Variants in WDR49 observed in about 807,000 individuals in gnomAD.
WDR49 encodes cilia- and flagella-associated protein 337.
WDR49 carries 107 observed loss-of-function variants against 119.5 expected under a neutral mutation model. The ratio of observed to expected loss-of-function variants is 0.90; its 90% CI spans 0.77 to 1.05. The LOEUF is 1.05. Among genes scored for constraint, WDR49 ranks in the 50% least tolerant of loss-of-function variants. The pLI is 0.00. For missense variants in WDR49, 1,240 were observed against 1,220.5 expected (o/e 1.02, Z -0.24); for synonymous variants, 425 against 418.8 (o/e 1.01, Z -0.18).
intron 7 of WDR49, among the ~76,000 whole-genome samples, chr3:167,581,780 T>C (rs1714542375): frequency 6.6e-6 from 1 of 152,192 alleles, no homozygotes; most frequent in Non-Finnish European, 1.5e-5. Flanking sequence ...CTATTTTCAG[T>C]GCACTTTTAA....
rs557391350 is a variant in WDR49 at position 167,591,164 on chromosome 3, C to A, written c.1275+10963G>T. 2.8e-4 allele frequency among the ~76,000 whole-genome samples: 42 copies of A among 152,180 alleles called. No individual in the cohort carries two copies. In the South Asian group the frequency reaches 7.1e-3, roughly 26 times the overall value. ...TTCCTTCTCAGTTTCTTTATTGACACACTGGTCATTCAGGAGAATATTGTT... is the reference window on the plus strand; with the variant it reads ...TTCCTTCTCAGTTTCTTTATTGACAAACTGGTCATTCAGGAGAATATTGTT... On this transcript the variant is annotated intron_variant, in intron 7 of 18. Transcript: ENST00000682715.
intron 2 of WDR49, among the ~76,000 whole-genome samples, chr3:167,631,200 G>T (rs1463754204): frequency 6.6e-6 from 1 of 151,940 alleles, no homozygotes; most frequent in African/African-American, 2.4e-5. Flanking sequence ...AAACCAACAT[G>T]GCACATGTAT....
chr3:167,515,869 G>A (rs917813946), intron 16 of WDR49, among the ~76,000 whole-genome samples: 2 of 152,130 alleles, frequency 1.3e-5, no homozygotes, highest in African/African-American at 2.4e-5. Context: ...AATCATAGAT[G>A]AATTCCCATT....
intron 16 of WDR49, among the ~76,000 whole-genome samples, chr3:167,522,009 G>GATATATAGATAT (rs137908498): frequency 6.9e-6 from 1 of 144,068 alleles, no homozygotes; most frequent in Admixed American, 7.0e-5. Flanking sequence ...TAGATAGATA[G>GATATATAGATAT]ATAGATAGAT....
rs35181099 is a variant in WDR49 at position 167,482,505 on chromosome 3, T to TAA, written c.3032-3511_3032-3510dup. ...TAACATGGTGAAACCCCGTCTCTAC[T>TAA]AAAAAAAAAAAAAAATACAAAAAAT... is the stretch of plus-strand genomic sequence containing the variant. On this transcript the variant is annotated intron_variant, in intron 18 of 18. Coordinates refer to ENST00000682715, the MANE Select transcript of WDR49 (RefSeq NM_001366157.1). Among the ~76,000 whole-genome samples, 257 of 138,004 alleles carry TAA rather than the reference T, an allele frequency of 1.9e-3. 4 individuals carry two copies. Among genetic ancestry groups the TAA allele is most frequent in the Middle Eastern group, 0.011 (3 of 270 alleles). 90.5% of individuals were successfully genotyped at this position (138,004 alleles called of 152,430 possible). A position where few individuals can be genotyped will look rare whatever the true frequency, so the allele number is the denominator to read the frequency against.
Position 167,527,878 on chromosome 3 carries a change from G to C in WDR49, c.2546C>G (p.Ala849Gly), listed in dbSNP as rs1332778620. 8.7e-6 allele frequency: 14 copies of C among 1,613,074 alleles called. No individual in the cohort carries two copies. Among genetic ancestry groups the C allele is most frequent in the African/African-American group, 1.3e-5 (1 of 74,858 alleles). The change falls in exon 15 of 19, where the codon GCA becomes GGA. Residue 849 changes from alanine (A) to glycine (G), a missense_variant. By Grantham distance (60) the Ala-to-Gly change is moderately conservative. Transcript: ENST00000682715. Reference sequence around the variant, plus strand: ...ACCAGTCACACAAATACTGCAGTCTGCAGAGGAGGAGATAATCAGTAACTG... The same window carrying C: ...ACCAGTCACACAAATACTGCAGTCTCCAGAGGAGGAGATAATCAGTAACTG... The part of the protein sequence containing the change: ...GGQLLIISSS[A>G]DCSICVTGVC...
At chr3:167,536,176 A>T (rs995029770) in intron 11 of WDR49, among the ~76,000 whole-genome samples, 5 of 152,054 alleles carry the variant, frequency 3.3e-5, no homozygotes, top group African/African-American at 1.2e-4. Flanking sequence ...GGATGACTAG[A>T]GTTAACAATA....
intron 10 of WDR49, among the ~76,000 whole-genome samples, chr3:167,547,208 T>C (rs1305574215): frequency 2.6e-5 from 4 of 151,864 alleles, no homozygotes; most frequent in Non-Finnish European, 5.9e-5. Context: ...GAATGTAATA[T>C]CTTGTGATAT....
chr3:167,599,163 C>T (rs1057254040), intron 7 of WDR49, among the ~76,000 whole-genome samples: 1 of 152,182 alleles, frequency 6.6e-6, no homozygotes, highest in Non-Finnish European at 1.5e-5. Context: ...TGTGTCCTTC[C>T]CTTCAGGGCA....
chr3:167,491,393 C>G (rs1751127235), intron 18 of WDR49, among the ~76,000 whole-genome samples: 1 of 152,110 alleles, frequency 6.6e-6, no homozygotes. Flanking sequence ...AAGGACTCCT[C>G]TCCTCTCATA....
At chr3:167,620,300 C>A in intron 5 of WDR49, 129 bp downstream of exon 5, 1 of 952,482 alleles carries the variant, frequency 1.0e-6, no homozygotes, top group Non-Finnish European at 1.4e-6. Flanking sequence ...AGAGTCCAGG[C>A]CACAACCTCC....
At chr3:167,633,537 A>C (rs914680686) in intron 2 of WDR49, 3 of 450,050 alleles carry the variant, frequency 6.7e-6, no homozygotes, top group Non-Finnish European at 1.3e-5. Context: ...CCCATCCTGG[A>C]CTTGGCAGAA....
intron 8 of WDR49, among the ~76,000 whole-genome samples, chr3:167,571,636 T>C (rs1037606879): frequency 1.3e-5 from 2 of 152,168 alleles, no homozygotes; most frequent in Admixed American, 6.5e-5. Context: ...AGGAAATATA[T>C]TCTAACATAT....
chr3:167,554,893 A>C, intron 9 of WDR49, 95 bp from the exon 10 acceptor site: 1 of 915,862 alleles, frequency 1.1e-6, no homozygotes, highest in African/African-American at 1.7e-5. Context: ...TAATCATTAA[A>C]GAAAATCAAC....
rs767963012 is a variant in WDR49, at chr3:167,529,083, A to C, written c.2375T>G (p.Leu792Arg). ...KMNRYLTTGDLDGWLKIWNIE... is the reference protein window; with the variant it reads ...KMNRYLTTGDRDGWLKIWNIE... The stretch of plus-strand genomic sequence containing the variant: ...ATTCCAGATTTTCAACCATCCATCA[A>C]GATCTCCTGTGGTAAGGTATCGATT... Residue 792 changes from leucine to arginine, a missense_variant, in exon 14 of 19, where the codon CTT (leucine) becomes CGT (arginine). By Grantham distance (102) the Leu-to-Arg change is moderately radical. Coordinates refer to ENST00000682715, the MANE Select transcript of WDR49 (RefSeq NM_001366157.1). The C allele has an allele frequency of 2.5e-6, 4 of 1,590,982 alleles. No homozygotes were observed. The South Asian group carries it at 3.5e-5, about 14-fold the overall frequency.
intron 16 of WDR49, among the ~76,000 whole-genome samples, chr3:167,506,877 T>G (rs190382794): frequency 7.9e-5 from 12 of 152,290 alleles, no homozygotes; most frequent in Admixed American, 6.5e-4. Context: ...TGGTAGAATA[T>G]CCCTCAGTTT....
intron 2 of WDR49, among the ~76,000 whole-genome samples, chr3:167,642,093 T>C (rs576011664): frequency 6.6e-6 from 1 of 152,062 alleles, no homozygotes; most frequent in African/African-American, 2.4e-5. Context: ...ATTTTTATAC[T>C]GTTTTGACTT....
intron 7 of WDR49, among the ~76,000 whole-genome samples, chr3:167,583,557 T>A (rs551804380): frequency 1.3e-5 from 2 of 152,132 alleles, no homozygotes; most frequent in East Asian, 3.9e-4. Context: ...AAATAAAGCA[T>A]AATTTCTGTT....
intron 8 of WDR49, among the ~76,000 whole-genome samples, chr3:167,565,858 C>G (rs1358071202): frequency 6.6e-6 from 1 of 152,132 alleles, no homozygotes; most frequent in Non-Finnish European, 1.5e-5. Context: ...AAAAACTTTC[C>G]TCTTTTTCAC....
Sources: gnomAD v4.1 joint callset for allele counts (sites outside exome capture counted in the v4.1 genomes callset) on GRCh38, gnomAD v4.1.1 for gene constraint, MANE v1.5 for transcripts, NCBI Gene and HGNC (gene_info 2026-07-23, HGNC 2026-07-21) for gene names.